RUNX3: variants seen among roughly 807,000 people sequenced by gnomAD.
The protein encoded by RUNX3 is runt-related transcription factor 3.
A neutral mutation model predicts 27.7 loss-of-function variants in RUNX3; 10 were observed. The ratio of observed to expected loss-of-function variants is 0.36; its 90% CI spans 0.22 to 0.61. The LOEUF is 0.61. RUNX3 is among the 20% of genes least tolerant of loss of function. RUNX3 has a pLI of 0.72. For synonymous variants in RUNX3, 270 were observed against 269.2 expected, an observed-to-expected ratio of 1.00 and a Z score of -0.03; for missense variants, 469 against 629.5, an observed-to-expected ratio of 0.75 and a Z score of 2.73.
rs1642130139 is a variant in RUNX3 at position 24,962,128 on chromosome 1, G to C, written c.58+2386C>G. 1.3e-5 allele frequency: 2 copies of C among 152,188 alleles called. No homozygotes were observed. The highest frequency in any genetic ancestry group is 4.8e-5 in the African/African-American group (2 of 41,434). The allele number at this position is 152,188 out of a possible 1,614,324, so 9.4% of individuals were successfully genotyped here. A position where few individuals can be genotyped will look rare whatever the true frequency, so the allele number is the denominator to read the frequency against. On this transcript the variant is annotated intron_variant, in intron 2 of 6. Coordinates refer to the RUNX3 transcript ENST00000338888. The surrounding 1 kb of genome is among the most constrained non-coding windows in gnomAD (Gnocchi z 4.5). ...TCTCTGGTATCACAGCGGGGTCAGG[G>C]ATGACCTGAAATATTGTTCATGCTC...
chr1:24,911,043 T>A (rs781609500), intron 3 of RUNX3, among the ~76,000 whole-genome samples: 14 of 151,926 alleles, frequency 9.2e-5, no homozygotes, highest in Admixed American at 3.9e-4. Flanking sequence ...CCAGACCGAG[T>A]CCTCAGCCCT....
chr1:24,926,057 T>G (rs747155938), intron 2 of RUNX3, among the ~76,000 whole-genome samples: 1 of 152,156 alleles, frequency 6.6e-6, no homozygotes, highest in African/African-American at 2.4e-5. Flanking sequence ...AGAATCAAGT[T>G]CCTGATGCCT....
intron 2 of RUNX3, among the ~76,000 whole-genome samples, chr1:24,925,856 C>G (rs897840069): frequency 1.3e-5 from 2 of 152,186 alleles, no homozygotes; most frequent in Non-Finnish European, 2.9e-5. Context: ...CAAGGACAAG[C>G]TCCCAACCAA....
chr1:24,954,062 G>A (rs947230576), intron 2 of RUNX3, among the ~76,000 whole-genome samples: 2 of 152,252 alleles, frequency 1.3e-5, no homozygotes, highest in African/African-American at 4.8e-5. Flanking sequence ...ACAGGCGGGA[G>A]CCGCCATGCC....
At position 24,963,838 on chromosome 1, in the gene RUNX3, C is replaced by T. The variant is rs576823606; in HGVS notation, c.58+676G>A. 2.0e-5 allele frequency among the ~76,000 whole-genome samples: 3 copies of T among 152,272 alleles called. No homozygotes were observed. The South Asian group carries it at 6.2e-4, about 32-fold the overall frequency. ...CCCCTATCCTTGCTGGGAGACACAACCCAGAACTCTGCATCCCTGCAGCCA... is the reference window on the plus strand; with the variant it reads ...CCCCTATCCTTGCTGGGAGACACAATCCAGAACTCTGCATCCCTGCAGCCA... On this transcript the variant is annotated intron_variant, in intron 2 of 6. Coordinates refer to the RUNX3 transcript ENST00000338888.
intron 2 of RUNX3, among the ~76,000 whole-genome samples, chr1:24,939,083 G>T (rs776463088): frequency 1.3e-5 from 2 of 152,148 alleles, no homozygotes; most frequent in South Asian, 2.1e-4. Context: ...TTTTCCAGGG[G>T]TTATAATTTG....
At chr1:24,910,921 G>A (rs935493986) in intron 3 of RUNX3, among the ~76,000 whole-genome samples, 14 of 152,332 alleles carry the variant, frequency 9.2e-5, no homozygotes, top group Admixed American at 5.2e-4. Flanking sequence ...TCACGTGAAC[G>A]AGGCAAGTGG....
At chr1:24,925,806 T>C (rs1405730072) in intron 2 of RUNX3, among the ~76,000 whole-genome samples, 1 of 151,838 alleles carries the variant, frequency 6.6e-6, no homozygotes, top group African/African-American at 2.4e-5. Flanking sequence ...GCCTCTTGCA[T>C]CTCCCAGAGC....
chr1:24,929,875 G>A lies in RUNX3; in HGVS notation c.-7C>T. ...GGTCTACGGGAATACGCATAACAGCGGCCGTCAGGGCGCCGGGCAGGCGGA... is the reference window on the plus strand; with the variant it reads ...GGTCTACGGGAATACGCATAACAGCAGCCGTCAGGGCGCCGGGCAGGCGGA... On this transcript the variant is annotated 5_prime_UTR_variant, in exon 1 of 5. Coordinates refer to ENST00000308873, the MANE Select transcript of RUNX3 (RefSeq NM_004350.3). 2 of 1,282,638 alleles carry A rather than the reference G, an allele frequency of 1.6e-6. No individual in the cohort carries two copies. Among genetic ancestry groups the A allele is most frequent in the South Asian group, 2.6e-5 (1 of 38,102 alleles). The allele number at this position is 1,282,638 out of a possible 1,614,324, so 79.5% of individuals were successfully genotyped here. A position where few individuals can be genotyped will look rare whatever the true frequency, so the allele number is the denominator to read the frequency against.
At chr1:24,961,228 T>TCTCC (rs1642104275) in intron 2 of RUNX3, 1 of 152,210 alleles carries the variant, frequency 6.6e-6, no homozygotes, top group African/African-American at 2.4e-5. Context: ...GGTCTGGATC[T>TCTCC]CTCCCTTGCT....
At chr1:24,937,065 T>C (rs1357745101) in intron 2 of RUNX3, among the ~76,000 whole-genome samples, 1 of 152,226 alleles carries the variant, frequency 6.6e-6, no homozygotes, top group Non-Finnish European at 1.5e-5. Flanking sequence ...GCCTCTGATG[T>C]CCACTGACAG....
At chr1:24,955,244 G>A (rs922827423) in intron 2 of RUNX3, among the ~76,000 whole-genome samples, 3 of 152,228 alleles carry the variant, frequency 2.0e-5, no homozygotes, top group South Asian at 2.1e-4. Flanking sequence ...GAATCACCTC[G>A]CTTAGAGGTA....
upstream of RUNX3, chr1:24,930,283 G>A (rs925565028): frequency 6.1e-6 from 6 of 978,148 alleles, no homozygotes; most frequent in African/African-American, 3.5e-5. This position sits in a 1 kb window ranked among gnomAD's most constrained non-coding sequence, Gnocchi z 4.1. Context: ...TGGCGGGGCC[G>A]CGGCCGCCCG....
rs545583266 is a variant in RUNX3, at chr1:24,937,678, C to T, written c.59-7826G>A. 1.3e-4 allele frequency among the ~76,000 whole-genome samples: 20 copies of T among 152,334 alleles called. No individual in the cohort carries two copies. In the South Asian group the frequency reaches 3.9e-3, roughly 30 times the overall value. On this transcript the variant is annotated intron_variant, in intron 2 of 6. Transcript: ENST00000338888. ...CCATGCCCAGGGGGATGGGGATACACACAGTTAGGCTGCTCTATTCCCAGA... is the reference window on the plus strand; with the variant it reads ...CCATGCCCAGGGGGATGGGGATACATACAGTTAGGCTGCTCTATTCCCAGA...
At chr1:24,936,096 A>G (rs1435069431) in intron 2 of RUNX3, among the ~76,000 whole-genome samples, 1 of 152,186 alleles carries the variant, frequency 6.6e-6, no homozygotes, top group East Asian at 1.9e-4. Flanking sequence ...TGGAGTGGTG[A>G]GAGAGACCTG....
At chr1:24,954,833 C>T (rs1039958753) in intron 2 of RUNX3, among the ~76,000 whole-genome samples, 3 of 152,160 alleles carry the variant, frequency 2.0e-5, no homozygotes, top group African/African-American at 7.2e-5. Flanking sequence ...TGTTCACACA[C>T]GTACCTACCC....
At chr1:24,954,692 A>G (rs559167523) in intron 2 of RUNX3, among the ~76,000 whole-genome samples, 1 of 152,320 alleles carries the variant, frequency 6.6e-6, no homozygotes, top group South Asian at 2.1e-4. Context: ...GTCCTTGTCC[A>G]ACCACGGACG....
rs752706729 is a variant in RUNX3, at chr1:24,902,307, G to A, written c.1063C>T (p.Arg355Cys). 2.1e-5 allele frequency: 34 copies of A among 1,605,370 alleles called. No homozygotes were observed. The highest frequency in any genetic ancestry group is 1.2e-4 in the Admixed American group (7 of 58,800). ...GAGGCCAGCATGCGGGTAGGTGAGC[G>A]GTCGCCCCCACTGCTGCTGCCGGCC... The part of the protein sequence containing the change: ...MVAGSSSGGD[R>C]SPTRMLASCT... Residue 355 changes from arginine (R) to cysteine (C), a missense_variant, in exon 5 of 5, where the codon CGC becomes TGC. This residue lies in a region of RUNX3 where 279 missense variants were observed against 343.0 expected (regional missense o/e 0.81). Coordinates refer to ENST00000308873, the MANE Select transcript of RUNX3 (RefSeq NM_004350.3). The surrounding 1 kb of genome is among the most constrained non-coding windows in gnomAD (Gnocchi z 9.2).
At chr1:24,950,300 C>T (rs138819995) in intron 2 of RUNX3, among the ~76,000 whole-genome samples, 1 of 152,174 alleles carries the variant, frequency 6.6e-6, no homozygotes, top group Non-Finnish European at 1.5e-5. Flanking sequence ...GCTCAGGGGC[C>T]ACCCCAAAAC....
Sources: gnomAD v4.1 joint callset for allele counts (sites outside exome capture counted in the v4.1 genomes callset) on GRCh38, gnomAD v4.1.1 for gene constraint, gnomAD v4.1.1 regional missense constraint, Gnocchi (gnomAD v3.1) non-coding constraint, MANE v1.5 for transcripts, NCBI Gene and HGNC (gene_info 2026-07-23, HGNC 2026-07-21) for gene names.